TUBGCP6: variants seen among roughly 807,000 people sequenced by gnomAD.
TUBGCP6 encodes the protein tubulin gamma complex component 6.
Under a neutral mutation model 175.8 loss-of-function variants are expected in TUBGCP6, and 161 were observed. The observed-to-expected ratio is 0.92, with a 90% CI of 0.81 to 1.04. The LOEUF (loss-of-function observed/expected upper bound fraction) is 1.04, where lower values mean the gene tolerates loss of function less well. Ranked by LOEUF, TUBGCP6 falls within the 50% of genes least tolerant of loss-of-function variation. The probability of loss-of-function intolerance (pLI) is 0.00; values close to 1 mark genes in which losing one functional copy is unlikely to be tolerated. For synonymous variants in TUBGCP6, 1,173 were observed against 1,030.5 expected, an observed-to-expected ratio of 1.14 and a Z score of -2.65; for missense variants, 2,572 against 2,433.0, an observed-to-expected ratio of 1.06 and a Z score of -1.20.
Position 50,227,057 on chromosome 22 carries a change from CCA to C in TUBGCP6, c.1431_1432del (p.Cys477TrpfsTer89). 1 of 1,611,940 alleles carries C rather than the reference CCA, an allele frequency of 6.2e-7. No homozygotes were observed. Among genetic ancestry groups the C allele is most frequent in the Non-Finnish European group, 8.5e-7 (1 of 1,179,406 alleles). ...GGTGCCCGGGAGCACAGCGCCAACGCCACAGAGCTCGGCCAGGTACCTAGACC... is the reference window on the plus strand; with the variant it reads ...GGTGCCCGGGAGCACAGCGCCAACGCCAGAGCTCGGCCAGGTACCTAGACC... On this transcript the variant is annotated frameshift_variant, in exon 6 of 25. Transcript: ENST00000248846. LOFTEE classifies it high-confidence loss of function.
At chr22:50,231,165 A>T (rs567574761) in intron 3 of TUBGCP6, among the ~76,000 whole-genome samples, 4 of 151,878 alleles carry the variant, frequency 2.6e-5, no homozygotes, top group East Asian at 3.9e-4. Flanking sequence ...AAATAAATAC[A>T]GAGTAGGCCA....
intron 2 of TUBGCP6, among the ~76,000 whole-genome samples, chr22:50,233,740 G>C (rs559236574): frequency 1.3e-5 from 2 of 152,234 alleles, no homozygotes; most frequent in South Asian, 4.1e-4. Flanking sequence ...ATTCTATCAG[G>C]ACAACTCATG....
At chr22:50,229,345 C>T (rs2064659017) in intron 4 of TUBGCP6, 59 bp downstream of exon 4, 1 of 1,571,746 alleles carries the variant, frequency 6.4e-7, no homozygotes, top group African/African-American at 1.4e-5. Flanking sequence ...ATTCTCTCTT[C>T]CAGGTCGTGT....
chr22:50,237,763 G>C (rs1241212251), intron 2 of TUBGCP6, among the ~76,000 whole-genome samples: 2 of 152,230 alleles, frequency 1.3e-5, no homozygotes, highest in Non-Finnish European at 2.9e-5. Context: ...AGGGTGATGA[G>C]GAGAGTGAGT....
intron 7 of TUBGCP6, 36 bp from the exon 8 acceptor site, chr22:50,226,414 A>G (rs892434632): frequency 1.9e-6 from 3 of 1,559,564 alleles, no homozygotes; most frequent in Admixed American, 1.9e-5. Context: ...GATGTGGTCA[A>G]CGGAGAGGTG....
rs959557413 is a variant in TUBGCP6 at position 50,244,614 on chromosome 22, G to T, written c.-155C>A. 1.5e-6 allele frequency: 2 copies of T among 1,293,662 alleles called. No individual in the cohort carries two copies. The highest frequency in any genetic ancestry group is 2.1e-6 in the Non-Finnish European group (2 of 971,826). 80.1% of individuals were successfully genotyped at this position (1,293,662 alleles called of 1,614,324 possible). ...AGCTCAGAACTGGTATTTTTTAAAGGAGGTCTTGCGGTTGCTCTACTCAGA... is the reference window on the plus strand; with the variant it reads ...AGCTCAGAACTGGTATTTTTTAAAGTAGGTCTTGCGGTTGCTCTACTCAGA... On this transcript the variant is annotated 5_prime_UTR_variant, in exon 1 of 25. Coordinates refer to ENST00000248846, the MANE Select transcript of TUBGCP6 (RefSeq NM_020461.4).
At chr22:50,227,695 G>A (rs2064632848) in intron 5 of TUBGCP6, among the ~76,000 whole-genome samples, 1 of 152,222 alleles carries the variant, frequency 6.6e-6, no homozygotes, top group African/African-American at 2.4e-5. Context: ...TGGAGGGCCT[G>A]GATGGGGCCA....
At chr22:50,242,007 AAAG>A (rs1167615171) in intron 1 of TUBGCP6, among the ~76,000 whole-genome samples, 1 of 141,750 alleles carries the variant, frequency 7.1e-6, no homozygotes. Context: ...AAAAAAAAAA[AAAG>A]AACAATCAGG....
chr22:50,244,545 A>C lies in TUBGCP6; in HGVS notation c.-86T>G, dbSNP rs1429648683. On this transcript the variant is annotated 5_prime_UTR_variant, in exon 1 of 25. Transcript: ENST00000248846. Reference sequence around the variant, plus strand: ...CGCTCCGGAAGACAGGGAGTGAGAGAGGGTCCGAAGAGGCTGAATGACAGG... The same window carrying C: ...CGCTCCGGAAGACAGGGAGTGAGAGCGGGTCCGAAGAGGCTGAATGACAGG... The C allele has an allele frequency of 3.4e-6, 5 of 1,466,070 alleles. No individual in the cohort carries two copies. The highest frequency in any genetic ancestry group is 4.5e-6 in the Non-Finnish European group (5 of 1,115,208). The allele number at this position is 1,466,070 out of a possible 1,614,324, so 90.8% of individuals were successfully genotyped here. A position where few individuals can be genotyped will look rare whatever the true frequency, so the allele number is the denominator to read the frequency against.
intron 2 of TUBGCP6, 61 bp from the exon 3 acceptor site, chr22:50,233,587 G>T: frequency 1.3e-6 from 2 of 1,501,536 alleles, no homozygotes; most frequent in South Asian, 2.4e-5. Context: ...TCAGCACCAG[G>T]GTGCTTTCTC....
intron 2 of TUBGCP6, among the ~76,000 whole-genome samples, chr22:50,235,271 T>C (rs1160182212): frequency 6.6e-6 from 1 of 151,618 alleles, no homozygotes; most frequent in African/African-American, 2.4e-5. Flanking sequence ...CACGGCAACA[T>C]CCACATGCCT....
intron 14 of TUBGCP6, 29 bp from the exon 15 acceptor site, chr22:50,222,131 CCAAGCCGGAGT>C: frequency 6.2e-7 from 1 of 1,609,372 alleles, no homozygotes; most frequent in Non-Finnish European, 8.5e-7. Flanking sequence ...GGGTGACTGG[CCAAGCCGGAGT>C]CAAGCACAGC....
At chr22:50,241,181 G>A (rs184536162) in intron 1 of TUBGCP6, among the ~76,000 whole-genome samples, 200 of 152,218 alleles carry the variant, frequency 1.3e-3, no homozygotes, top group African/African-American at 4.4e-3. Context: ...TGTAACTTAC[G>A]AGAAACCAGG....
intron 1 of TUBGCP6, among the ~76,000 whole-genome samples, chr22:50,242,983 G>A (rs950408421): frequency 2.6e-5 from 4 of 152,176 alleles, no homozygotes; most frequent in Admixed American, 1.3e-4. Context: ...TCAGGACAAT[G>A]CAGCCACCAG....
Position 50,226,979 on chromosome 22 carries a change from G to T in TUBGCP6, c.1491+20C>A. On this transcript the variant is annotated intron_variant, in intron 6 of 24. Coordinates refer to ENST00000248846, the MANE Select transcript of TUBGCP6 (RefSeq NM_020461.4). ...TGGAGCCCACCAGGCTGACACACTC[G>T]GCAGGGACGCACAACTCACGGTGGG... 2 of 1,608,740 alleles carry T rather than the reference G, an allele frequency of 1.2e-6. No individual in the cohort carries two copies. The highest frequency in any genetic ancestry group is 1.7e-4 in the Middle Eastern group (1 of 5,984).
chr22:50,228,767 T>C (rs1345772020), intron 4 of TUBGCP6, among the ~76,000 whole-genome samples: 1 of 151,984 alleles, frequency 6.6e-6, no homozygotes, highest in South Asian at 2.1e-4. Context: ...CCTCACCACA[T>C]CACCCCACCC....
At chr22:50,219,595 G>C in intron 18 of TUBGCP6, 49 bp downstream of exon 18, 9 of 1,601,690 alleles carry the variant, frequency 5.6e-6, no homozygotes, top group Non-Finnish European at 7.7e-6. Flanking sequence ...GCACGTGCTG[G>C]GAACCAGCCA....
At chr22:50,232,940 G>A (rs977313310) in intron 3 of TUBGCP6, among the ~76,000 whole-genome samples, 12 of 152,236 alleles carry the variant, frequency 7.9e-5, no homozygotes, top group African/African-American at 2.4e-4. Flanking sequence ...CCAGTGAGAA[G>A]AGCAGCGCAG....
At chr22:50,219,015 T>G in intron 20 of TUBGCP6, 53 bp downstream of exon 20, 1 of 1,604,644 alleles carries the variant, frequency 6.2e-7, no homozygotes, top group Non-Finnish European at 8.5e-7. Flanking sequence ...CCAGTCTCTC[T>G]TTTCCCACGG....
Sources: gnomAD v4.1 joint callset for allele counts (sites outside exome capture counted in the v4.1 genomes callset) on GRCh38, gnomAD v4.1.1 for gene constraint, MANE v1.5 for transcripts, NCBI Gene and HGNC (gene_info 2026-07-23, HGNC 2026-07-21) for gene names.